The following GPC5 variants were observed in gnomAD, a reference collection of about 807,000 sequenced individuals.
The protein encoded by GPC5 is glypican-5.
In GPC5, 47 loss-of-function variants were observed where a neutral mutation model predicts 53.9. The observed-to-expected ratio is 0.87, with a 90% CI of 0.69 to 1.11. GPC5 has a LOEUF of 1.11. Among genes scored for constraint, GPC5 ranks in the 50% most tolerant of loss-of-function variants. GPC5 has a pLI of 0.00. For missense variants in GPC5, 748 were observed against 713.1 expected, an observed-to-expected ratio of 1.05 and a Z score of -0.56; for synonymous variants, 286 against 263.3, an observed-to-expected ratio of 1.09 and a Z score of -0.84.
At chr13:92,377,233 G>T (rs1213136647) in intron 7 of GPC5, among the ~76,000 whole-genome samples, 1 of 152,124 alleles carries the variant, frequency 6.6e-6, no homozygotes, top group African/African-American at 2.4e-5. Context: ...CACTTTGCAT[G>T]CCTGTGTTCC....
chr13:91,436,836 G>T (rs1458040595), intron 1 of GPC5, among the ~76,000 whole-genome samples: 2 of 152,060 alleles, frequency 1.3e-5, no homozygotes, highest in South Asian at 2.1e-4. Flanking sequence ...CTCTTTCTAG[G>T]TCTCTAAGTA....
At chr13:92,790,972 T>C (rs1876439862) in intron 7 of GPC5, among the ~76,000 whole-genome samples, 1 of 152,100 alleles carries the variant, frequency 6.6e-6, no homozygotes, top group Non-Finnish European at 1.5e-5. Flanking sequence ...TTCAAAACTT[T>C]TAATAAAGTA....
At chr13:91,607,495 A>G (rs920550125) in intron 2 of GPC5, among the ~76,000 whole-genome samples, 5 of 152,234 alleles carry the variant, frequency 3.3e-5, no homozygotes, top group Non-Finnish European at 5.9e-5. Context: ...CACATTCAGC[A>G]GGATTCATGC....
At chr13:92,691,666 A>G (rs536135127) in intron 7 of GPC5, among the ~76,000 whole-genome samples, 2 of 152,272 alleles carry the variant, frequency 1.3e-5, no homozygotes, top group East Asian at 3.9e-4. Context: ...AAAATAATGT[A>G]ATTTAATATT....
intron 7 of GPC5, among the ~76,000 whole-genome samples, chr13:92,498,454 C>T (rs1299218454): frequency 6.6e-6 from 1 of 152,090 alleles, no homozygotes; most frequent in Non-Finnish European, 1.5e-5. Context: ...TACATGAGCC[C>T]CTTGGCCCAA....
chr13:91,538,774 G>T (rs1886709125), intron 2 of GPC5, among the ~76,000 whole-genome samples: 1 of 151,450 alleles, frequency 6.6e-6, no homozygotes, highest in South Asian at 2.1e-4. Flanking sequence ...AGTAGAGACC[G>T]GGTTTCACCA....
At chr13:91,935,538 G>A (rs1465098366) in intron 6 of GPC5, among the ~76,000 whole-genome samples, 1 of 151,884 alleles carries the variant, frequency 6.6e-6, no homozygotes, top group African/African-American at 2.4e-5. Flanking sequence ...CTCTAGAATT[G>A]TAAAGAAATG....
chr13:91,863,648 T>C (rs1014300075), intron 5 of GPC5, among the ~76,000 whole-genome samples: 6 of 152,156 alleles, frequency 3.9e-5, no homozygotes, highest in African/African-American at 1.4e-4. Flanking sequence ...CTGATTAAAG[T>C]CCATGCATCC....
rs2138773688 is a variant in GPC5, at chr13:92,010,783, G to A, written c.1401+102726G>A. On this transcript the variant is annotated intron_variant, in intron 6 of 7. Transcript: ENST00000377067. ...AAGTAGGCATCTACAAGCCAGGAAG[G>A]GAGGCCACACGAGGCACCAACCATG... Among the ~76,000 whole-genome samples the A allele has an allele frequency of 2.0e-5, 3 of 152,270 alleles. No individual in the cohort carries two copies. The Middle Eastern group carries it at 0.01, about 518-fold the overall frequency.
chr13:92,234,224 G>A (rs2042552787), intron 7 of GPC5, among the ~76,000 whole-genome samples: 1 of 152,122 alleles, frequency 6.6e-6, no homozygotes, highest in South Asian at 2.1e-4. Flanking sequence ...GATCCCTGAG[G>A]AATCAGCACA....
chr13:92,148,592 T>C (rs2041884786), intron 7 of GPC5, among the ~76,000 whole-genome samples: 1 of 152,124 alleles, frequency 6.6e-6, no homozygotes, highest in East Asian at 1.9e-4. Flanking sequence ...GGAAAATTTG[T>C]CCACATTTTT....
At chr13:92,129,037 A>G (rs775620056) in intron 6 of GPC5, among the ~76,000 whole-genome samples, 1 of 152,162 alleles carries the variant, frequency 6.6e-6, no homozygotes, top group Non-Finnish European at 1.5e-5. Context: ...TGCAAGGGAG[A>G]GAGCCTGCCT....
chr13:91,669,816 C>T (rs2035202885), intron 2 of GPC5, among the ~76,000 whole-genome samples: 1 of 152,126 alleles, frequency 6.6e-6, no homozygotes, highest in Non-Finnish European at 1.5e-5. Flanking sequence ...CTATAGTTAC[C>T]CTAAGCCCAT....
intron 7 of GPC5, among the ~76,000 whole-genome samples, chr13:92,214,726 T>C (rs1002295076): frequency 6.6e-6 from 1 of 152,312 alleles, no homozygotes. Flanking sequence ...TGTTAGGTTG[T>C]ACAGCAAAGG....
intron 5 of GPC5, among the ~76,000 whole-genome samples, chr13:91,827,356 C>T (rs2038591184): frequency 6.6e-6 from 1 of 151,358 alleles, no homozygotes; most frequent in African/African-American, 2.4e-5. Context: ...GATAAGTATC[C>T]TCATGAAAAG....
intron 7 of GPC5, among the ~76,000 whole-genome samples, chr13:92,290,417 AT>A (rs1220609716): frequency 6.6e-6 from 1 of 151,852 alleles, no homozygotes; most frequent in Non-Finnish European, 1.5e-5. Flanking sequence ...GATTTTTGAG[AT>A]TTTGGCGCAC....
chr13:92,809,469 A>T (rs942793924), intron 7 of GPC5, among the ~76,000 whole-genome samples: 3 of 152,150 alleles, frequency 2.0e-5, no homozygotes, highest in South Asian at 2.1e-4. Context: ...AAAATTATAG[A>T]TTAAATGACT....
chr13:92,845,140 A>G (rs1301491630), intron 7 of GPC5, among the ~76,000 whole-genome samples: 1 of 152,182 alleles, frequency 6.6e-6, no homozygotes, highest in Non-Finnish European at 1.5e-5. Flanking sequence ...ATAAGGGAAA[A>G]AAAAAAGATG....
intron 2 of GPC5, among the ~76,000 whole-genome samples, chr13:91,454,050 G>A (rs545510553): frequency 6.6e-6 from 1 of 152,180 alleles, no homozygotes; most frequent in South Asian, 2.1e-4. Flanking sequence ...TCCTTGTTCA[G>A]TTTTAGGCAG....
Sources: allele counts gnomAD v4.1 joint callset (sites outside exome capture counted in the v4.1 genomes callset), GRCh38; gene constraint gnomAD v4.1.1; transcripts MANE v1.5; gene names NCBI Gene and HGNC (gene_info 2026-07-23, HGNC 2026-07-21).